SMAD3: variants seen among roughly 807,000 people sequenced by gnomAD.
SMAD3 encodes the protein SMAD family member 3.
In SMAD3, 12 loss-of-function variants were observed where a neutral mutation model predicts 51.8. The ratio of observed to expected loss-of-function variants is 0.23; its 90% CI spans 0.15 to 0.38. The LOEUF (loss-of-function observed/expected upper bound fraction) is 0.38, where lower values mean the gene tolerates loss of function less well. Ranked by LOEUF, SMAD3 falls within the 10% of genes least tolerant of loss-of-function variation. SMAD3 has a pLI of 1.00. For synonymous variants in SMAD3, 238 were observed against 227.7 expected, an observed-to-expected ratio of 1.05 and a Z score of -0.41; for missense variants, 294 against 565.6, an observed-to-expected ratio of 0.52 and a Z score of 4.87.
intron 1 of SMAD3, among the ~76,000 whole-genome samples, chr15:67,151,082 C>G (rs975393345): frequency 2.0e-5 from 3 of 151,346 alleles, no homozygotes; most frequent in African/African-American, 4.9e-5. Context: ...GGTCTTGGAA[C>G]TCCTGACCTC....
chr15:67,124,420 T>A lies in SMAD3; in HGVS notation c.207-40475T>A, dbSNP rs146224133. On this transcript the variant is annotated intron_variant, in intron 1 of 8. Coordinates refer to ENST00000327367, the MANE Select transcript of SMAD3 (RefSeq NM_005902.4). ...GTGAGAATTAACTTCACAACCTGGG[T>A]CCAAGAGGCTGGAGGATTGTCAGTC... Among the ~76,000 whole-genome samples the A allele has an allele frequency of 2.0e-5, 3 of 148,914 alleles. No individual in the cohort carries two copies. The East Asian group carries it at 6.0e-4, about 30-fold the overall frequency.
chr15:67,181,811 CAG>C (rs1406932445), intron 6 of SMAD3, among the ~76,000 whole-genome samples: 2 of 143,586 alleles, frequency 1.4e-5, no homozygotes, highest in Admixed American at 1.4e-4. Flanking sequence ...TTTTTGGAGA[CAG>C]AGTCTTGCTT....
intron 1 of SMAD3, among the ~76,000 whole-genome samples, chr15:67,115,848 A>T (rs989286420): frequency 1.3e-5 from 2 of 152,234 alleles, no homozygotes; most frequent in Admixed American, 6.5e-5. Flanking sequence ...AGGGAGCCTG[A>T]TTCCATTTGA....
rs1179445653 is a variant in SMAD3 at position 67,192,241 on chromosome 15, G to T, written c.*1705G>T. On this transcript the variant is annotated 3_prime_UTR_variant, in exon 9 of 9. Transcript: ENST00000327367. ...CCTGATGCCTCATCTGCAGGGTCCT[G>T]TGCCTCTGAAGTTCTAGCCATGAGG... The T allele has an allele frequency of 4.3e-6, 1 of 232,918 alleles. No homozygotes were observed. The highest frequency in any genetic ancestry group is 8.5e-6 in the Non-Finnish European group (1 of 117,586). The allele number at this position is 232,918 out of a possible 1,614,324, so 14.4% of individuals were successfully genotyped here. A position where few individuals can be genotyped will look rare whatever the true frequency, so the allele number is the denominator to read the frequency against.
At chr15:67,150,237 T>G (rs1962092367) in intron 1 of SMAD3, among the ~76,000 whole-genome samples, 1 of 152,196 alleles carries the variant, frequency 6.6e-6, no homozygotes, top group Admixed American at 6.5e-5. Flanking sequence ...TGACATTGTT[T>G]TATCTCTCTA....
At position 67,181,471 on chromosome 15, in the gene SMAD3, T is replaced by TGGGGG; in HGVS notation, c.871+18_871+19insGGGGG. ...ACACATCGGTATGGGGTGGCTCCATTCCCCGCCCCCCCACCCTGCCCCTGC... is the reference window on the plus strand; with the variant it reads ...ACACATCGGTATGGGGTGGCTCCATTGGGGGCCCCGCCCCCCCACCCTGCCCCTGC... On this transcript the variant is annotated intron_variant, in intron 6 of 8. Transcript: ENST00000327367. 1.3e-6 allele frequency: 2 copies of TGGGGG among 1,521,036 alleles called. No homozygotes were observed. Among genetic ancestry groups the TGGGGG allele is most frequent in the Non-Finnish European group, 1.8e-6 (2 of 1,131,972 alleles). The allele number at this position is 1,521,036 out of a possible 1,614,324, so 94.2% of individuals were successfully genotyped here.
At chr15:67,175,880 GC>G (rs1962878405) in intron 5 of SMAD3, among the ~76,000 whole-genome samples, 1 of 152,222 alleles carries the variant, frequency 6.6e-6, no homozygotes, top group Non-Finnish European at 1.5e-5. Flanking sequence ...GCAGCCTCTG[GC>G]TCCGGTCTTC....
intron 1 of SMAD3, among the ~76,000 whole-genome samples, chr15:67,161,930 C>T (rs1962442926): frequency 6.6e-6 from 1 of 152,154 alleles, no homozygotes; most frequent in Non-Finnish European, 1.5e-5. Flanking sequence ...GCCAGTCCTC[C>T]TTTTATACCT....
intron 6 of SMAD3, among the ~76,000 whole-genome samples, chr15:67,182,876 C>G (rs890063034): frequency 6.7e-6 from 1 of 150,208 alleles, no homozygotes; most frequent in Non-Finnish European, 1.5e-5. Flanking sequence ...GCTATGTTGC[C>G]CAGGCCCAGT....
intron 1 of SMAD3, among the ~76,000 whole-genome samples, chr15:67,099,394 G>C (rs764852299): frequency 3.9e-5 from 6 of 152,156 alleles, no homozygotes; most frequent in Non-Finnish European, 8.8e-5. Flanking sequence ...CCATTTAAAG[G>C]AATCCTGTTG....
chr15:67,120,255 C>T (rs1402143830), intron 1 of SMAD3, among the ~76,000 whole-genome samples: 1 of 152,190 alleles, frequency 6.6e-6, no homozygotes, highest in African/African-American at 2.4e-5. Context: ...AGACTTTGCC[C>T]TGGGCTGCTT....
intron 4 of SMAD3, among the ~76,000 whole-genome samples, chr15:67,169,351 T>C (rs1227008384): frequency 6.6e-6 from 1 of 151,924 alleles, no homozygotes; most frequent in African/African-American, 2.4e-5. Flanking sequence ...TACAGCTGAG[T>C]TGGGGCAAAA....
At chr15:67,183,031 A>ATTTTTTTTTTT (rs57749736) in intron 6 of SMAD3, among the ~76,000 whole-genome samples, 1 of 29,702 alleles carries the variant, frequency 3.4e-5, no homozygotes, top group African/African-American at 1.7e-4. Flanking sequence ...ATATATATAT[A>ATTTTTTTTTTT]TTTTTTTTTT....
chr15:67,105,401 G>C (rs1960855532), intron 1 of SMAD3, among the ~76,000 whole-genome samples: 2 of 152,156 alleles, frequency 1.3e-5, no homozygotes, highest in African/African-American at 4.8e-5. Context: ...TGAGCTGTAT[G>C]CGGTGAGTCC....
At chr15:67,094,617 T>C (rs1005330153) in intron 1 of SMAD3, among the ~76,000 whole-genome samples, 1 of 152,230 alleles carries the variant, frequency 6.6e-6, no homozygotes. Flanking sequence ...TTACTTCTAA[T>C]GTGGCCAGGG....
At chr15:67,122,715 T>C (rs1961292934) in intron 1 of SMAD3, among the ~76,000 whole-genome samples, 1 of 152,118 alleles carries the variant, frequency 6.6e-6, no homozygotes, top group South Asian at 2.1e-4. Context: ...GCAATGATGT[T>C]CCCTGTGGTC....
chr15:67,132,982 C>T (rs2033989786), intron 1 of SMAD3, among the ~76,000 whole-genome samples: 1 of 152,216 alleles, frequency 6.6e-6, no homozygotes, highest in Non-Finnish European at 1.5e-5. Context: ...TTTCTCTCCT[C>T]CCTGCAAAGC....
rs1595967335 is a variant in SMAD3 at position 67,191,704 on chromosome 15, A to G, written c.*1168A>G. 4 of 231,606 alleles carry G rather than the reference A, an allele frequency of 1.7e-5. No homozygotes were observed. In the East Asian group the frequency reaches 2.4e-4, roughly 14 times the overall value. The allele number at this position is 231,606 out of a possible 1,614,324, so 14.3% of individuals were successfully genotyped here. On this transcript the variant is annotated 3_prime_UTR_variant, in exon 9 of 9. Transcript: ENST00000327367. The stretch of plus-strand genomic sequence containing the variant: ...TGAAATTTACAGAAGCAAATTCACC[A>G]GAAGGGAAACATCTCAGGCCAACAT...
chr15:67,101,548 C>T (rs1367752457), intron 1 of SMAD3, among the ~76,000 whole-genome samples: 2 of 152,136 alleles, frequency 1.3e-5, no homozygotes, highest in African/African-American at 4.8e-5. Context: ...ATGATGATGA[C>T]AGTGATGATG....
Sources: allele counts gnomAD v4.1 joint callset (sites outside exome capture counted in the v4.1 genomes callset), GRCh38; gene constraint gnomAD v4.1.1; transcripts MANE v1.5; gene names NCBI Gene and HGNC (gene_info 2026-07-23, HGNC 2026-07-21).